MARK1: variants seen among roughly 807,000 people sequenced by gnomAD.
MARK1 encodes the protein serine/threonine-protein kinase MARK1.
A neutral mutation model predicts 96.3 loss-of-function variants in MARK1; 40 were observed. The ratio of observed to expected loss-of-function variants is 0.42; its 90% CI spans 0.32 to 0.54. The LOEUF (loss-of-function observed/expected upper bound fraction) is 0.54, where lower values mean the gene tolerates loss of function less well. MARK1 is among the 20% of genes least tolerant of loss of function. MARK1 has a pLI of 0.16. For synonymous variants in MARK1, 317 were observed against 341.2 expected (o/e 0.93, Z 0.78); for missense variants, 719 against 984.6 (o/e 0.73, Z 3.61).
chr1:220,616,277 C>T (rs1666746732), intron 7 of MARK1, among the ~76,000 whole-genome samples: 1 of 152,128 alleles, frequency 6.6e-6, no homozygotes, highest in Non-Finnish European at 1.5e-5. Context: ...CGTTCCCAGC[C>T]AAAAGTGTGG....
intron 7 of MARK1, among the ~76,000 whole-genome samples, chr1:220,617,123 C>T (rs1223807026): frequency 3.3e-5 from 5 of 152,092 alleles, no homozygotes; most frequent in African/African-American, 9.7e-5. Context: ...TACATCAGAA[C>T]ATAAAAATAA....
chr1:220,615,896 T>G (rs1033231417), intron 6 of MARK1, 43 bp from the exon 7 acceptor site: 1 of 1,125,378 alleles, frequency 8.9e-7, no homozygotes, highest in South Asian at 1.4e-5. Flanking sequence ...GAAAATTGCG[T>G]TTTTTTAATA....
chr1:220,650,177 A>G (rs1259534674), intron 13 of MARK1, among the ~76,000 whole-genome samples: 1 of 152,146 alleles, frequency 6.6e-6, no homozygotes, highest in African/African-American at 2.4e-5. Context: ...AGAGTTTCCC[A>G]AGCAGGTGAA....
intron 3 of MARK1, among the ~76,000 whole-genome samples, chr1:220,586,777 C>A (rs967815182): frequency 1.3e-5 from 2 of 152,174 alleles, no homozygotes; most frequent in Admixed American, 1.3e-4. Flanking sequence ...GACTAACTAT[C>A]TGGCTGTTTT....
At position 220,618,846 on chromosome 1, in the gene MARK1, A is replaced by G; in HGVS notation, c.909+91A>G. ...ATTTTTCTCCTATGTTTTCTTAGGA[A>G]AATTGCCAAATTATCTAATCTGCCT... On this transcript the variant is annotated intron_variant, in intron 9 of 17. Transcript: ENST00000366917. This position sits in a 1 kb window ranked among gnomAD's most constrained non-coding sequence, Gnocchi z 4.6. The G allele has an allele frequency of 8.9e-7, 1 of 1,119,636 alleles. No individual in the cohort carries two copies. Among genetic ancestry groups the G allele is most frequent in the Non-Finnish European group, 1.2e-6 (1 of 811,562 alleles). The allele number at this position is 1,119,636 out of a possible 1,614,324, so 69.4% of individuals were successfully genotyped here.
chr1:220,556,756 C>T (rs1662292303), intron 1 of MARK1, among the ~76,000 whole-genome samples: 2 of 152,144 alleles, frequency 1.3e-5, no homozygotes. Context: ...AGTATGTTGT[C>T]ACTGAAATTA....
Position 220,546,710 on chromosome 1 carries a change from C to T in MARK1, c.51+17837C>T, listed in dbSNP as rs568497921. ...CTAATTGGCTGGGTGCAGTGGCTCA[C>T]GCCTGTAATCCTGGCACTTTGGGAG... On this transcript the variant is annotated intron_variant, in intron 1 of 17. Transcript: ENST00000366917. Among the ~76,000 whole-genome samples, 11 of 152,284 alleles carry T rather than the reference C, an allele frequency of 7.2e-5. No homozygotes were observed. The South Asian group carries it at 1.7e-3, about 23-fold the overall frequency.
At chr1:220,562,977 A>G (rs1040208899) in intron 1 of MARK1, among the ~76,000 whole-genome samples, 1 of 152,132 alleles carries the variant, frequency 6.6e-6, no homozygotes, top group Non-Finnish European at 1.5e-5. Flanking sequence ...AACTGTACAT[A>G]TTGATATCAG....
chr1:220,583,076 A>G (rs1170912303), intron 3 of MARK1, among the ~76,000 whole-genome samples: 1 of 152,236 alleles, frequency 6.6e-6, no homozygotes. Context: ...AGTCAGTCAT[A>G]CTTAAAAAGT....
chr1:220,564,524 A>G (rs1411838892), intron 1 of MARK1, among the ~76,000 whole-genome samples: 1 of 152,148 alleles, frequency 6.6e-6, no homozygotes, highest in Non-Finnish European at 1.5e-5. Context: ...TTTTCTCTAT[A>G]TATTATCCAA....
At chr1:220,533,193 T>C (rs1253035846) in intron 1 of MARK1, among the ~76,000 whole-genome samples, 2 of 152,180 alleles carry the variant, frequency 1.3e-5, no homozygotes, top group Non-Finnish European at 2.9e-5. Flanking sequence ...CTCATTGTTT[T>C]AACAAGACTT....
chr1:220,591,593 C>T (rs1664983928), intron 3 of MARK1, among the ~76,000 whole-genome samples: 1 of 151,922 alleles, frequency 6.6e-6, no homozygotes, highest in Non-Finnish European at 1.5e-5. Context: ...AAGTAAAAGC[C>T]CTCTTTCATA....
At chr1:220,634,971 CT>C (rs1487662137) in intron 11 of MARK1, among the ~76,000 whole-genome samples, 1 of 152,014 alleles carries the variant, frequency 6.6e-6, no homozygotes, top group Non-Finnish European at 1.5e-5. Flanking sequence ...TGCCCCTTAA[CT>C]TTTTTAACCT....
chr1:220,536,020 C>CT (rs35210447), intron 1 of MARK1, among the ~76,000 whole-genome samples: 13 of 151,398 alleles, frequency 8.6e-5, no homozygotes, highest in African/African-American at 2.4e-4. Context: ...GAATTTTATA[C>CT]TTTTTTTTTG....
intron 1 of MARK1, among the ~76,000 whole-genome samples, chr1:220,532,413 T>A (rs1330839634): frequency 6.6e-6 from 1 of 152,184 alleles, no homozygotes; most frequent in Non-Finnish European, 1.5e-5. Flanking sequence ...TCTCCCTTAG[T>A]CTGTGTTGCC....
At chr1:220,562,833 G>A (rs964838356) in intron 1 of MARK1, among the ~76,000 whole-genome samples, 6 of 152,082 alleles carry the variant, frequency 3.9e-5, no homozygotes, top group African/African-American at 1.4e-4. Context: ...TCATTCATGT[G>A]GATTCAATGT....
chr1:220,632,201 A>C lies in MARK1; in HGVS notation c.1010A>C (p.Asp337Ala). Residue 337 changes from aspartate (D) to alanine (A), a missense_variant and splice_region_variant, in exon 11 of 18, where the codon GAC becomes GCC. This residue lies in a region of MARK1 where 501 missense variants were observed against 588.3 expected (regional missense o/e 0.85). Transcript: ENST00000366917. Reference sequence around the variant, plus strand: ...AAATTTCTCTTTTTTAAATTTCTAGACATTATGGTCACCATGGGCTTTGCA... The same window carrying C: ...AAATTTCTCTTTTTTAAATTTCTAGCCATTATGGTCACCATGGGCTTTGCA... Reference protein sequence around the residue: ...DPDFNDTKRIDIMVTMGFARD... With the variant: ...DPDFNDTKRIAIMVTMGFARD... 7.3e-7 allele frequency: 1 copy of C among 1,376,404 alleles called. No homozygotes were observed. Among genetic ancestry groups the C allele is most frequent in the South Asian group, 1.8e-5 (1 of 57,116 alleles). The allele number at this position is 1,376,404 out of a possible 1,614,324, so 85.3% of individuals were successfully genotyped here.
chr1:220,591,310 C>T (rs991802615), intron 3 of MARK1, among the ~76,000 whole-genome samples: 2 of 152,160 alleles, frequency 1.3e-5, no homozygotes, highest in African/African-American at 2.4e-5. Flanking sequence ...CAGGAAACAT[C>T]AGTATGTTTC....
chr1:220,648,529 G>A (rs1055815869), intron 13 of MARK1, among the ~76,000 whole-genome samples: 1 of 152,202 alleles, frequency 6.6e-6, no homozygotes, highest in Non-Finnish European at 1.5e-5. Flanking sequence ...TGGCATTGAA[G>A]CCCCAAGGCA....
Sources: allele counts gnomAD v4.1 joint callset (sites outside exome capture counted in the v4.1 genomes callset), GRCh38; gene constraint gnomAD v4.1.1; regional missense constraint gnomAD v4.1.1; non-coding constraint Gnocchi (gnomAD v3.1); transcripts MANE v1.5; gene names NCBI Gene and HGNC (gene_info 2026-07-23, HGNC 2026-07-21).